Variants in ADAMTS19 observed in about 807,000 individuals in gnomAD.
The protein encoded by ADAMTS19 is A disintegrin and metalloproteinase with thrombospondin motifs 19.
Under a neutral mutation model 153.3 loss-of-function variants are expected in ADAMTS19, and 93 were observed. The ratio of observed to expected loss-of-function variants is 0.61; its 90% CI spans 0.51 to 0.72. The LOEUF is 0.72. Ranked by LOEUF, ADAMTS19 falls within the 30% of genes least tolerant of loss-of-function variation. ADAMTS19 has a pLI of 0.00. For synonymous variants in ADAMTS19, 600 were observed against 556.6 expected, an observed-to-expected ratio of 1.08 and a Z score of -1.10; for missense variants, 1,482 against 1,552.1, an observed-to-expected ratio of 0.95 and a Z score of 0.76.
chr5:129,664,865 C>T (rs1015190596), intron 15 of ADAMTS19, among the ~76,000 whole-genome samples: 1 of 151,960 alleles, frequency 6.6e-6, no homozygotes, highest in African/African-American at 2.4e-5. Flanking sequence ...GTATTATATC[C>T]CTACATCTGC....
intron 8 of ADAMTS19, among the ~76,000 whole-genome samples, chr5:129,606,318 C>A (rs529363822): frequency 6.6e-6 from 1 of 152,318 alleles, no homozygotes; most frequent in African/African-American, 2.4e-5. Flanking sequence ...ATCTGTATTT[C>A]TGTTATTGGC....
At chr5:129,581,547 A>G (rs1222837945) in intron 7 of ADAMTS19, among the ~76,000 whole-genome samples, 1 of 151,398 alleles carries the variant, frequency 6.6e-6, no homozygotes, top group Non-Finnish European at 1.5e-5. Context: ...TTTTAAAAAA[A>G]AAAAGCTCCT....
chr5:129,505,216 A>C (rs536915993), intron 2 of ADAMTS19, among the ~76,000 whole-genome samples: 3 of 152,192 alleles, frequency 2.0e-5, no homozygotes, highest in Non-Finnish European at 4.4e-5. Flanking sequence ...AACATGAAGA[A>C]AATTGCAATA....
intron 21 of ADAMTS19, among the ~76,000 whole-genome samples, chr5:129,711,861 G>A (rs566896809): frequency 6.6e-6 from 1 of 152,112 alleles, no homozygotes; most frequent in Admixed American, 6.6e-5. Flanking sequence ...ATCGCAAAGA[G>A]GAAACTAAAG....
At chr5:129,714,822 G>A (rs940442156) in intron 21 of ADAMTS19, among the ~76,000 whole-genome samples, 2 of 152,212 alleles carry the variant, frequency 1.3e-5, no homozygotes, top group East Asian at 1.9e-4. Context: ...TTTTCCTTAT[G>A]AGCACTTTTG....
chr5:129,716,746 G>A (rs181969395), intron 21 of ADAMTS19, among the ~76,000 whole-genome samples: 11 of 152,100 alleles, frequency 7.2e-5, no homozygotes, highest in Middle Eastern at 3.4e-3. Flanking sequence ...TAGAGTAACA[G>A]TTTCCTTACC....
At chr5:129,690,707 G>A (rs1755294250) in intron 18 of ADAMTS19, among the ~76,000 whole-genome samples, 1 of 152,002 alleles carries the variant, frequency 6.6e-6, no homozygotes, top group Non-Finnish European at 1.5e-5. Flanking sequence ...AAAGATCTAG[G>A]AAGCGCTCAG....
chr5:129,635,301 G>A (rs1752486060), intron 10 of ADAMTS19, among the ~76,000 whole-genome samples: 1 of 152,182 alleles, frequency 6.6e-6, no homozygotes, highest in South Asian at 2.1e-4. Context: ...CTTATATACT[G>A]TTGATGGGAG....
intron 16 of ADAMTS19, among the ~76,000 whole-genome samples, chr5:129,679,401 C>T (rs1292530691): frequency 6.6e-6 from 1 of 152,132 alleles, no homozygotes; most frequent in African/African-American, 2.4e-5. Context: ...CCAGTATTCA[C>T]AATGCTCATA....
At chr5:129,599,563 A>T (rs13436477) in intron 8 of ADAMTS19, among the ~76,000 whole-genome samples, 13,549 of 152,224 alleles carry the variant, frequency 0.089, 691 homozygotes, top group African/African-American at 0.11. Flanking sequence ...GATTTCTTCA[A>T]TCTTCATTGT....
rs1752223537 is a variant in ADAMTS19 at position 129,630,142 on chromosome 5, ACT to A, written c.1770+7800_1770+7801del. Reference sequence around the variant, plus strand: ...TACTTGATTCATCCAAGTTTGTAGGACTCTCTCAAACCTCTCCTTGAAGCCAA... The same window carrying A: ...TACTTGATTCATCCAAGTTTGTAGGACTCTCAAACCTCTCCTTGAAGCCAA... On this transcript the variant is annotated intron_variant, in intron 10 of 22. Transcript: ENST00000274487. 3.9e-5 allele frequency among the ~76,000 whole-genome samples: 6 copies of A among 152,048 alleles called. No individual in the cohort carries two copies. In the South Asian group the frequency reaches 1.2e-3, roughly 32 times the overall value.
chr5:129,487,856 C>G (rs1018491707), intron 2 of ADAMTS19, among the ~76,000 whole-genome samples: 5 of 151,998 alleles, frequency 3.3e-5, no homozygotes, highest in African/African-American at 1.2e-4. Context: ...TTAATTTACT[C>G]TGGTACATAT....
intron 2 of ADAMTS19, among the ~76,000 whole-genome samples, chr5:129,462,451 G>A (rs1471518576): frequency 1.3e-5 from 2 of 152,122 alleles, no homozygotes; most frequent in Non-Finnish European, 2.9e-5. Flanking sequence ...TCCACTTTTT[G>A]GAGGAAAGGA....
In ADAMTS19 at chr5:129,507,986, T is replaced by G. The variant is rs1050936494; in HGVS notation, c.748-1091T>G. Among the ~76,000 whole-genome samples, 3 of 151,942 alleles carry G rather than the reference T, an allele frequency of 2.0e-5. No homozygotes were observed. In the Admixed American group the frequency reaches 2.0e-4, roughly 10 times the overall value. Reference sequence around the variant, plus strand: ...AATAATTCAAACAAATTAAAAAAAATTCTGCTATACTTCCAAAGAAAACAT... The same window carrying G: ...AATAATTCAAACAAATTAAAAAAAAGTCTGCTATACTTCCAAAGAAAACAT... On this transcript the variant is annotated intron_variant, in intron 2 of 22. Transcript: ENST00000274487.
intron 21 of ADAMTS19, among the ~76,000 whole-genome samples, chr5:129,721,891 T>C (rs1051902688): frequency 6.6e-5 from 10 of 152,204 alleles, no homozygotes; most frequent in African/African-American, 2.4e-4. Context: ...CTGAGGATGA[T>C]GTCTTCCAGC....
At chr5:129,607,667 G>C (rs1750971015) in intron 8 of ADAMTS19, among the ~76,000 whole-genome samples, 1 of 152,064 alleles carries the variant, frequency 6.6e-6, no homozygotes, top group African/African-American at 2.4e-5. Flanking sequence ...AAGATAAACT[G>C]TATGAAAATA....
At chr5:129,522,218 T>C (rs948505105) in intron 3 of ADAMTS19, among the ~76,000 whole-genome samples, 1 of 148,394 alleles carries the variant, frequency 6.7e-6, no homozygotes, top group African/African-American at 2.5e-5. Context: ...CACACACATA[T>C]GTATATATGT....
intron 3 of ADAMTS19, among the ~76,000 whole-genome samples, chr5:129,513,552 T>G (rs1310235022): frequency 6.6e-6 from 1 of 152,064 alleles, no homozygotes; most frequent in Non-Finnish European, 1.5e-5. Context: ...ATGTGCCAGT[T>G]CATGTAGTTA....
At chr5:129,564,023 G>A (rs1034009047) in intron 7 of ADAMTS19, among the ~76,000 whole-genome samples, 2 of 151,984 alleles carry the variant, frequency 1.3e-5, no homozygotes, top group African/African-American at 4.8e-5. Context: ...GGGTTCAAGC[G>A]ATTCGCCTGC....
Sources: gnomAD v4.1 joint callset for allele counts (sites outside exome capture counted in the v4.1 genomes callset) on GRCh38, gnomAD v4.1.1 for gene constraint, MANE v1.5 for transcripts, NCBI Gene and HGNC (gene_info 2026-07-23, HGNC 2026-07-21) for gene names.